Variants in LRRTM4 observed in about 807,000 individuals in gnomAD.
LRRTM4 encodes the protein leucine-rich repeat transmembrane neuronal protein 4.
In LRRTM4, 25 loss-of-function variants were observed where a neutral mutation model predicts 47.6. The observed-to-expected ratio is 0.53, with a 90% CI of 0.38 to 0.73. LRRTM4 has a LOEUF of 0.73. Ranked by LOEUF, LRRTM4 falls within the 30% of genes least tolerant of loss-of-function variation. The probability of loss-of-function intolerance (pLI) is 0.00; values close to 1 mark genes in which losing one functional copy is unlikely to be tolerated. For missense variants in LRRTM4, 638 were observed against 713.4 expected, an observed-to-expected ratio of 0.89 and a Z score of 1.20; for synonymous variants, 311 against 269.5, an observed-to-expected ratio of 1.15 and a Z score of -1.51.
chr2:77,474,241 G>A (rs1677294408), intron 3 of LRRTM4, among the ~76,000 whole-genome samples: 1 of 151,866 alleles, frequency 6.6e-6, no homozygotes, highest in African/African-American at 2.4e-5. Context: ...GAGAGAGAAA[G>A]CACAAAAGAG....
intron 3 of LRRTM4, among the ~76,000 whole-genome samples, chr2:77,024,995 A>T (rs1411717282): frequency 6.6e-6 from 1 of 152,186 alleles, no homozygotes; most frequent in Non-Finnish European, 1.5e-5. Flanking sequence ...ATCTTGATCT[A>T]TATTTTTGTA....
chr2:76,748,597 G>T lies in LRRTM4; in HGVS notation c.*98C>A. 2.1e-6 allele frequency: 2 copies of T among 952,492 alleles called. No individual in the cohort carries two copies. Among genetic ancestry groups the T allele is most frequent in the South Asian group, 1.5e-5 (1 of 67,308 alleles). 59.0% of individuals were successfully genotyped at this position (952,492 alleles called of 1,614,324 possible). A position where few individuals can be genotyped will look rare whatever the true frequency, so the allele number is the denominator to read the frequency against. ...ATAAATGTTTTAACAGGAACGATGA[G>T]CTTGCTCGATTGCGCGATTGTGGAC... On this transcript the variant is annotated 3_prime_UTR_variant, in exon 4 of 4. Transcript: ENST00000409884.
At chr2:77,176,158 G>T (rs1301362536) in intron 3 of LRRTM4, among the ~76,000 whole-genome samples, 1 of 152,124 alleles carries the variant, frequency 6.6e-6, no homozygotes, top group African/African-American at 2.4e-5. Context: ...AAAGTTATTT[G>T]ATGAGATTAA....
chr2:77,280,197 G>T (rs977401053), intron 3 of LRRTM4, among the ~76,000 whole-genome samples: 1 of 151,926 alleles, frequency 6.6e-6, no homozygotes, highest in Non-Finnish European at 1.5e-5. Flanking sequence ...GGCTTTGGAG[G>T]TAAAATGGGG....
chr2:77,444,054 G>C (rs182289696), intron 3 of LRRTM4, among the ~76,000 whole-genome samples: 15 of 152,066 alleles, frequency 9.9e-5, no homozygotes, highest in Admixed American at 9.2e-4. Flanking sequence ...CCGTGTGAAG[G>C]CCTCTTAAAC....
chr2:77,044,680 CAT>C (rs1558546466), intron 3 of LRRTM4, among the ~76,000 whole-genome samples: 1 of 151,386 alleles, frequency 6.6e-6, no homozygotes, highest in African/African-American at 2.4e-5. Context: ...CATATACACA[CAT>C]ATTACAAAAT....
rs907034648 is a variant in LRRTM4 at position 76,881,353 on chromosome 2, ATCTTT to A, written c.1552-132442_1552-132438del. ...TTCACACATGGCCTATCAAGGTTTT[ATCTTT>A]TCTTTTTAACGTGGTATTTTTTTCA... On this transcript the variant is annotated intron_variant, in intron 3 of 3. Transcript: ENST00000409884. Among the ~76,000 whole-genome samples the A allele has an allele frequency of 1.3e-5, 2 of 152,006 alleles. 1 individual carries two copies. The highest frequency in any genetic ancestry group is 6.3e-3 in the Middle Eastern group (2 of 316).
chr2:76,965,722 C>T lies in LRRTM4; in HGVS notation c.1552-216806G>A, dbSNP rs1226526608. Among the ~76,000 whole-genome samples the T allele has an allele frequency of 2.0e-5, 3 of 151,326 alleles. No homozygotes were observed. In the East Asian group the frequency reaches 5.9e-4, roughly 30 times the overall value. ...TAGGCATTTCAAATAAACACTGTAA[C>T]ATGTTCTAACTGTAAAATACACAGT... On this transcript the variant is annotated intron_variant, in intron 3 of 3. Transcript: ENST00000409884.
intron 3 of LRRTM4, among the ~76,000 whole-genome samples, chr2:77,480,170 T>G (rs1031491991): frequency 7.2e-5 from 11 of 152,002 alleles, no homozygotes; most frequent in African/African-American, 2.7e-4. Context: ...CCTCTAATTA[T>G]CAACCTCAGC....
chr2:76,942,716 A>G (rs1675192754), intron 3 of LRRTM4, among the ~76,000 whole-genome samples: 1 of 113,272 alleles, frequency 8.8e-6, no homozygotes, highest in Admixed American at 8.4e-5. Context: ...TTAAATCTGT[A>G]CAAAGTAGAT....
In LRRTM4 at chr2:76,921,958, T is replaced by C. The variant is rs78723190; in HGVS notation, c.1552-173042A>G. On this transcript the variant is annotated intron_variant, in intron 3 of 3. Coordinates refer to ENST00000409884, the MANE Select transcript of LRRTM4 (RefSeq NM_001134745.3). ...AGAGATATTTGCATTTTCACGTTCA[T>C]TGCAGCATTATTCACAATAAACAAA... Among the ~76,000 whole-genome samples the C allele has an allele frequency of 1.4e-3, 208 of 152,262 alleles. 3 individuals are homozygous for C. In the East Asian group the frequency reaches 0.031, roughly 23 times the overall value.
intron 3 of LRRTM4, among the ~76,000 whole-genome samples, chr2:76,871,300 C>A (rs1672616919): frequency 6.6e-6 from 1 of 152,038 alleles, no homozygotes; most frequent in Non-Finnish European, 1.5e-5. Flanking sequence ...ATTTCTAGTT[C>A]AATCTTCTGA....
At chr2:76,879,489 C>G (rs1213758022) in intron 3 of LRRTM4, among the ~76,000 whole-genome samples, 1 of 152,180 alleles carries the variant, frequency 6.6e-6, no homozygotes, top group Non-Finnish European at 1.5e-5. Flanking sequence ...TTTAAGGCCA[C>G]TGATGAGACT....
At chr2:77,012,189 C>CA (rs1447336070) in intron 3 of LRRTM4, among the ~76,000 whole-genome samples, 1 of 151,952 alleles carries the variant, frequency 6.6e-6, no homozygotes, top group Non-Finnish European at 1.5e-5. Context: ...GCACCATAGG[C>CA]AAGCAGGGAA....
chr2:76,903,629 G>A (rs533271620), intron 3 of LRRTM4, among the ~76,000 whole-genome samples: 2 of 152,114 alleles, frequency 1.3e-5, no homozygotes, highest in African/African-American at 4.8e-5. Context: ...GTTTGTTGGT[G>A]ATATTATTAT....
chr2:76,762,584 T>A (rs541282072), intron 3 of LRRTM4, among the ~76,000 whole-genome samples: 6 of 152,344 alleles, frequency 3.9e-5, no homozygotes, highest in African/African-American at 1.4e-4. Flanking sequence ...GGACAGCAGA[T>A]AATTTGTATT....
chr2:77,307,967 A>C (rs1416640310), intron 3 of LRRTM4, among the ~76,000 whole-genome samples: 1 of 114,090 alleles, frequency 8.8e-6, no homozygotes, highest in Non-Finnish European at 1.6e-5. Flanking sequence ...ATATATCTAT[A>C]TATTATAGAA....
chr2:77,030,852 T>C (rs1678627543), intron 3 of LRRTM4, among the ~76,000 whole-genome samples: 1 of 152,220 alleles, frequency 6.6e-6, no homozygotes, highest in Non-Finnish European at 1.5e-5. Context: ...GCATTTCTTT[T>C]GGCAATATTT....
intron 3 of LRRTM4, among the ~76,000 whole-genome samples, chr2:77,180,054 A>T (rs895478333): frequency 6.6e-6 from 1 of 152,216 alleles, no homozygotes; most frequent in Admixed American, 6.5e-5. Flanking sequence ...AGAATTGCTT[A>T]TAAGATTTGA....
Sources: allele counts gnomAD v4.1 joint callset (sites outside exome capture counted in the v4.1 genomes callset), GRCh38; gene constraint gnomAD v4.1.1; transcripts MANE v1.5; gene names NCBI Gene and HGNC (gene_info 2026-07-23, HGNC 2026-07-21).